Variants in RIPOR3 observed in about 807,000 individuals in gnomAD.
RIPOR3 encodes the protein family with sequence similarity 65 member C.
In RIPOR3, 95 loss-of-function variants were observed where a neutral mutation model predicts 114.3. That is an observed-to-expected ratio of 0.83 (90% CI 0.70 to 0.99). The LOEUF is 0.99. Among genes scored for constraint, RIPOR3 ranks in the 50% least tolerant of loss-of-function variants. The pLI is 0.00. For synonymous variants in RIPOR3, 575 were observed against 543.8 expected (o/e 1.06, Z -0.80); for missense variants, 1,252 against 1,266.9 (o/e 0.99, Z 0.18).
At chr20:50,656,689 G>A (rs938213523) in intron 1 of RIPOR3, among the ~76,000 whole-genome samples, 38 of 151,978 alleles carry the variant, frequency 2.5e-4, no homozygotes, top group Non-Finnish European at 5.9e-5. Context: ...TAGTAGAGAC[G>A]GGGTTTCATC....
At chr20:50,633,281 AAC>A (rs1458732703) in intron 1 of RIPOR3, among the ~76,000 whole-genome samples, 18 of 151,848 alleles carry the variant, frequency 1.2e-4, no homozygotes, top group Non-Finnish European at 2.9e-5. Flanking sequence ...AAAAACAAAA[AAC>A]AAAAAATAGT....
At chr20:50,644,645 G>C (rs1439864511) in intron 1 of RIPOR3, among the ~76,000 whole-genome samples, 1 of 148,580 alleles carries the variant, frequency 6.7e-6, no homozygotes, top group Non-Finnish European at 1.5e-5. Context: ...CACCATGACC[G>C]GCTAATTTCT....
intron 1 of RIPOR3, among the ~76,000 whole-genome samples, chr20:50,655,260 A>G (rs2085768531): frequency 6.6e-6 from 1 of 152,222 alleles, no homozygotes; most frequent in Non-Finnish European, 1.5e-5. Flanking sequence ...TTTAGATTAA[A>G]TAGTGGTTTT....
At chr20:50,666,721 C>T (rs2086261588) in intron 1 of RIPOR3, among the ~76,000 whole-genome samples, 1 of 152,064 alleles carries the variant, frequency 6.6e-6, no homozygotes, top group Non-Finnish European at 1.5e-5. Flanking sequence ...CCACCATGCC[C>T]AGCTAATTTT....
chr20:50,589,129 G>A (rs2083028177), intron 20 of RIPOR3, among the ~76,000 whole-genome samples: 1 of 142,854 alleles, frequency 7.0e-6, no homozygotes, highest in African/African-American at 2.6e-5. Flanking sequence ...AGTGCTGCCA[G>A]TCTAACACAA....
rs758136486 is a variant in RIPOR3, at chr20:50,608,753, G to A, written c.685-15C>T. ...CGCATGAGCACCTGTGAACCAGCCCGAGAGGGGCCGCGTCAGCCCAGGTGG... is the reference window on the plus strand; with the variant it reads ...CGCATGAGCACCTGTGAACCAGCCCAAGAGGGGCCGCGTCAGCCCAGGTGG... On this transcript the variant is annotated splice_polypyrimidine_tract_variant and intron_variant, in intron 9 of 21. Coordinates refer to ENST00000327979, the MANE Select transcript of RIPOR3 (RefSeq NM_001290268.2). 2.4e-5 allele frequency: 38 copies of A among 1,613,588 alleles called. No individual in the cohort carries two copies. Among genetic ancestry groups the A allele is most frequent in the African/African-American group, 5.3e-5 (4 of 74,904 alleles).
At chr20:50,655,915 A>T (rs1367775539) in intron 1 of RIPOR3, among the ~76,000 whole-genome samples, 2 of 151,888 alleles carry the variant, frequency 1.3e-5, no homozygotes, top group East Asian at 3.9e-4. Flanking sequence ...ACCTCCTCCC[A>T]GTTTGGGAAA....
chr20:50,667,065 C>T (rs1224896382), intron 1 of RIPOR3, among the ~76,000 whole-genome samples: 1 of 152,116 alleles, frequency 6.6e-6, no homozygotes, highest in African/African-American at 2.4e-5. Flanking sequence ...TCCTTAGCTT[C>T]CTGGACTCTG....
intron 11 of RIPOR3, among the ~76,000 whole-genome samples, chr20:50,605,984 G>A (rs368008344): frequency 2.3e-4 from 35 of 151,634 alleles, no homozygotes; most frequent in African/African-American, 7.7e-4. Flanking sequence ...TGGGTGGATC[G>A]CCTGAGGTCA....
Position 50,609,279 on chromosome 20 carries a change from C to A in RIPOR3, c.640+14G>T, listed in dbSNP as rs749243292. 3 of 1,613,522 alleles carry A rather than the reference C, an allele frequency of 1.9e-6. No homozygotes were observed. The Admixed American group carries it at 5.0e-5, about 27-fold the overall frequency. ...CCAGAAAGGCCTCCGCCCACCCCCT[C>A]TCAGCCCTGTTACCTTTCATCCTGA... On this transcript the variant is annotated intron_variant, in intron 8 of 21. Transcript: ENST00000327979.
intron 1 of RIPOR3, among the ~76,000 whole-genome samples, chr20:50,642,784 C>G (rs1026567801): frequency 6.6e-6 from 1 of 152,082 alleles, no homozygotes; most frequent in Non-Finnish European, 1.5e-5. Flanking sequence ...TGCTGTGGCT[C>G]ACGCCTGTAA....
rs200503235 is a variant in RIPOR3 at position 50,592,384 on chromosome 20, C to T, written c.2537G>A (p.Arg846His). The change falls in exon 19 of 22, where the codon CGC (arginine) becomes CAC (histidine). Residue 846 changes from arginine to histidine, a missense_variant. Physicochemically the swap from Arg to His is conservative, Grantham distance 29. Transcript: ENST00000327979. ...TPRVCRAASA[R>H]LAGAVRNRSF... ...TCTGTTCCTGACTGCACCAGCCAGG[C>T]GAGCGCTGGCCGCCCTGCACACCCT... The T allele has an allele frequency of 1.2e-5, 20 of 1,605,282 alleles. No individual in the cohort carries two copies. The highest frequency in any genetic ancestry group is 2.2e-5 in the East Asian group (1 of 44,542).
At chr20:50,683,264 G>T (rs909674545) in intron 1 of RIPOR3, among the ~76,000 whole-genome samples, 1 of 152,210 alleles carries the variant, frequency 6.6e-6, no homozygotes, top group Non-Finnish European at 1.5e-5. Context: ...GATGGGAAAA[G>T]AGTTCGGAAG....
chr20:50,631,111 C>T lies in RIPOR3; in HGVS notation c.4-255G>A, dbSNP rs550536993. On this transcript the variant is annotated intron_variant, in intron 1 of 21. Coordinates refer to ENST00000327979, the MANE Select transcript of RIPOR3 (RefSeq NM_001290268.2). Reference sequence around the variant, plus strand: ...CACTCTGTGCTCAGGTCCTTAGTGCCGGGCAATGCTGCCTCCCAGAGCAAG... The same window carrying T: ...CACTCTGTGCTCAGGTCCTTAGTGCTGGGCAATGCTGCCTCCCAGAGCAAG... Among the ~76,000 whole-genome samples, 7 of 152,202 alleles carry T rather than the reference C, an allele frequency of 4.6e-5. No homozygotes were observed. In the South Asian group the frequency reaches 8.3e-4, roughly 18 times the overall value.
At chr20:50,637,610 C>T (rs1359291406) in intron 1 of RIPOR3, among the ~76,000 whole-genome samples, 2 of 152,142 alleles carry the variant, frequency 1.3e-5, no homozygotes, top group African/African-American at 2.4e-5. Flanking sequence ...ATTATGGGCT[C>T]ACGCCTGTAA....
intron 2 of RIPOR3, among the ~76,000 whole-genome samples, chr20:50,626,226 C>G (rs914391737): frequency 6.6e-6 from 1 of 152,252 alleles, no homozygotes; most frequent in African/African-American, 2.4e-5. Flanking sequence ...ACCGCTTCCC[C>G]GTCGGTGTGG....
chr20:50,674,119 T>A (rs1209247440), intron 1 of RIPOR3, among the ~76,000 whole-genome samples: 1 of 152,070 alleles, frequency 6.6e-6, no homozygotes, highest in African/African-American at 2.4e-5. Context: ...CCTCTCTGGG[T>A]AAGATGTGTC....
At chr20:50,593,923 G>T (rs1389265877) in intron 17 of RIPOR3, among the ~76,000 whole-genome samples, 7 of 151,898 alleles carry the variant, frequency 4.6e-5, no homozygotes, top group Non-Finnish European at 1.0e-4. Context: ...TTCCCATAAG[G>T]TTCATTCTTT....
chr20:50,666,187 C>CTTCTTTTCTTTTCTTTTCTT lies in RIPOR3; in HGVS notation c.3+24938_3+24939insAAGAAAAGAAAAGAAAAGAA, dbSNP rs1568944348. Among the ~76,000 whole-genome samples the CTTCTTTTCTTTTCTTTTCTT allele has an allele frequency of 3.4e-4, 28 of 82,552 alleles. 1 individual carries two copies. Among genetic ancestry groups the CTTCTTTTCTTTTCTTTTCTT allele is most frequent in the African/African-American group, 1.4e-3 (27 of 19,724 alleles). 54.2% of individuals were successfully genotyped at this position (82,552 alleles called of 152,430 possible). ...GAATACAGAGAAAGGACACCCATTT[C>CTTCTTTTCTTTTCTTTTCTT]TTTTCTTTTCTTTTCTTTTCTTTTC... On this transcript the variant is annotated intron_variant, in intron 1 of 21. Coordinates refer to ENST00000327979, the MANE Select transcript of RIPOR3 (RefSeq NM_001290268.2).
Sources: allele counts gnomAD v4.1 joint callset (sites outside exome capture counted in the v4.1 genomes callset), GRCh38; gene constraint gnomAD v4.1.1; transcripts MANE v1.5; gene names NCBI Gene and HGNC (gene_info 2026-07-23, HGNC 2026-07-21).